Variants in CSMD1 observed in about 807,000 individuals in gnomAD.
CSMD1 encodes the protein CUB and sushi domain-containing protein 1.
CSMD1 carries 213 observed loss-of-function variants against 417.5 expected under a neutral mutation model. That is an observed-to-expected ratio of 0.51 (90% CI 0.46 to 0.57). CSMD1 has a LOEUF of 0.57. Ranked by LOEUF, CSMD1 falls within the 20% of genes least tolerant of loss-of-function variation. CSMD1 has a pLI of 0.00. For missense variants in CSMD1, 6,923 were observed against 4,529.7 expected (o/e 1.53, Z -15.17); for synonymous variants, 2,862 against 1,736.8 (o/e 1.65, Z -16.11).
intron 3 of CSMD1, among the ~76,000 whole-genome samples, chr8:4,168,388 C>G (rs1277816924): frequency 1.3e-5 from 2 of 151,400 alleles, no homozygotes; most frequent in African/African-American, 4.9e-5. Flanking sequence ...GAGTGAGACC[C>G]TTACTCTCTC....
At chr8:3,674,266 A>G (rs1007707344) in intron 7 of CSMD1, among the ~76,000 whole-genome samples, 1 of 152,190 alleles carries the variant, frequency 6.6e-6, no homozygotes, top group African/African-American at 2.4e-5. Flanking sequence ...ACTGTAACCC[A>G]TGTTGCTTTA....
At chr8:4,081,090 G>A (rs13267061) in intron 3 of CSMD1, among the ~76,000 whole-genome samples, 15,719 of 152,192 alleles carry the variant, frequency 0.1, 889 homozygotes, top group Middle Eastern at 0.15. Flanking sequence ...CACTTTGGAA[G>A]CAGAGAGATT....
intron 5 of CSMD1, among the ~76,000 whole-genome samples, chr8:3,982,543 T>C (rs1428836111): frequency 3.3e-5 from 5 of 152,190 alleles, no homozygotes; most frequent in East Asian, 3.9e-4. Context: ...TTATGTGCAC[T>C]AGGATTATGT....
chr8:4,113,366 T>A (rs578132834), intron 3 of CSMD1, among the ~76,000 whole-genome samples: 1 of 145,514 alleles, frequency 6.9e-6, no homozygotes, highest in Non-Finnish European at 1.5e-5. Flanking sequence ...GCAAATAAAA[T>A]GTTCTTCAAG....
intron 7 of CSMD1, among the ~76,000 whole-genome samples, chr8:3,647,404 A>C: frequency 6.6e-6 from 1 of 152,192 alleles, no homozygotes; most frequent in East Asian, 1.9e-4. Flanking sequence ...AGAGAAATAG[A>C]ACACAAAGAG....
chr8:4,157,913 G>C (rs551216109), intron 3 of CSMD1, among the ~76,000 whole-genome samples: 41 of 152,250 alleles, frequency 2.7e-4, no homozygotes, highest in African/African-American at 8.2e-4. Flanking sequence ...ACTTGGGCTT[G>C]TCCCTGAGGT....
chr8:4,506,885 T>C (rs150961336), intron 2 of CSMD1, among the ~76,000 whole-genome samples: 18 of 152,304 alleles, frequency 1.2e-4, no homozygotes, highest in African/African-American at 4.1e-4. Context: ...CATAAATAAT[T>C]AGGGAGCATT....
chr8:3,780,963 G>C (rs1397734260), intron 5 of CSMD1, among the ~76,000 whole-genome samples: 2 of 152,142 alleles, frequency 1.3e-5, no homozygotes, highest in Non-Finnish European at 2.9e-5. Context: ...AAAGATATCT[G>C]TCTTCATGAT....
chr8:4,055,242 C>T (rs1295312529), intron 3 of CSMD1, among the ~76,000 whole-genome samples: 3 of 152,162 alleles, frequency 2.0e-5, no homozygotes, highest in African/African-American at 7.2e-5. Context: ...AATAGGATTA[C>T]TTGCCTCAAA....
At chr8:3,231,285 C>A (rs566200728) in intron 26 of CSMD1, among the ~76,000 whole-genome samples, 8 of 152,224 alleles carry the variant, frequency 5.3e-5, no homozygotes, top group African/African-American at 1.7e-4. Context: ...TTCTTCCACT[C>A]CACTGCATAA....
chr8:4,237,206 A>T (rs560098670), intron 3 of CSMD1, among the ~76,000 whole-genome samples: 1 of 152,290 alleles, frequency 6.6e-6, no homozygotes, highest in South Asian at 2.1e-4. Flanking sequence ...CAACTTTGCA[A>T]ATCAATTGTT....
chr8:4,833,695 A>C (rs775481850), intron 1 of CSMD1, among the ~76,000 whole-genome samples: 2 of 152,208 alleles, frequency 1.3e-5, no homozygotes, highest in Non-Finnish European at 2.9e-5. Flanking sequence ...CTGGATCAAT[A>C]TCTAGTGGAA....
intron 21 of CSMD1, among the ~76,000 whole-genome samples, chr8:3,353,790 C>T (rs920174508): frequency 6.6e-6 from 1 of 152,154 alleles, no homozygotes; most frequent in Non-Finnish European, 1.5e-5. Flanking sequence ...AAATCACTTG[C>T]TGTTTTATAA....
At chr8:3,835,666 C>G (rs139052283) in intron 5 of CSMD1, among the ~76,000 whole-genome samples, 4,295 of 148,124 alleles carry the variant, frequency 0.029, 213 homozygotes, top group African/African-American at 0.1. Context: ...ACATATGTAA[C>G]AAACCTGCAC....
intron 6 of CSMD1, among the ~76,000 whole-genome samples, chr8:3,709,197 T>C (rs1031057793): frequency 2.0e-5 from 3 of 150,804 alleles, no homozygotes; most frequent in African/African-American, 7.3e-5. Flanking sequence ...GGGGGATGCA[T>C]CTTGTGATTA....
chr8:4,584,825 T>C (rs1322959079), intron 2 of CSMD1, among the ~76,000 whole-genome samples: 2 of 152,188 alleles, frequency 1.3e-5, no homozygotes, highest in Admixed American at 6.5e-5. Flanking sequence ...TCTCTGGTGC[T>C]TTTCTAGTTT....
intron 49 of CSMD1, among the ~76,000 whole-genome samples, chr8:3,067,429 T>C (rs1277278880): frequency 6.6e-6 from 1 of 152,090 alleles, no homozygotes; most frequent in Non-Finnish European, 1.5e-5. Context: ...GGAGATTATA[T>C]TGGTTTACTG....
In CSMD1 at chr8:3,990,872, A is replaced by C. The variant is rs560053261; in HGVS notation, c.818+7031T>G. Among the ~76,000 whole-genome samples the C allele has an allele frequency of 1.9e-3, 282 of 152,210 alleles. 1 individual carries two copies. The highest frequency in any genetic ancestry group is 6.8e-3 in the Middle Eastern group (2 of 294). ...TGCAGCTGCCCCTTCACAGAGAGCC[A>C]CCTTCTTTGCTCCTGGAGGTCCATT... On this transcript the variant is annotated intron_variant, in intron 5 of 69. Transcript: ENST00000635120.
intron 26 of CSMD1, among the ~76,000 whole-genome samples, chr8:3,247,600 G>T (rs551406149): frequency 6.6e-6 from 1 of 152,144 alleles, no homozygotes; most frequent in Non-Finnish European, 1.5e-5. Context: ...CCTTCCCTGT[G>T]GGGAGAACAT....
Sources: gnomAD v4.1 joint callset for allele counts (sites outside exome capture counted in the v4.1 genomes callset) on GRCh38, gnomAD v4.1.1 for gene constraint, MANE v1.5 for transcripts, NCBI Gene and HGNC (gene_info 2026-07-23, HGNC 2026-07-21) for gene names.